Variants in NKAP observed in about 807,000 individuals in gnomAD.
NKAP encodes NF-kappa-B-activating protein.
In NKAP, 4 loss-of-function variants were observed where a neutral mutation model predicts 35.6. The observed-to-expected ratio is 0.11, with a 90% CI of 0.06 to 0.26. NKAP has a LOEUF of 0.26. Ranked by LOEUF, NKAP falls within the 10% of genes least tolerant of loss-of-function variation. NKAP has a pLI of 1.00. For missense variants in NKAP, 238 were observed against 321.9 expected (o/e 0.74, Z 1.99); for synonymous variants, 106 against 119.2 (o/e 0.89, Z 0.72).
At chrX:119,937,433 C>T (rs995914048) in intron 2 of NKAP, 59 of 108,832 alleles carry the variant, frequency 5.4e-4, no homozygotes, top group African/African-American at 1.9e-3. Flanking sequence ...CATGGTGAAA[C>T]CCCATCTCTA....
At chrX:119,932,316 C>A (rs765126824) in intron 5 of NKAP, 100 bp from the exon 6 acceptor site, 6 of 505,708 alleles carry the variant, frequency 1.2e-5, no homozygotes, top group Non-Finnish European at 1.9e-5. Flanking sequence ...GGTGACTATA[C>A]ATCTTAATTT....
chrX:119,939,201 G>A (rs1182607727), intron 1 of NKAP, among the ~76,000 whole-genome samples: 1 of 112,876 alleles, frequency 8.9e-6, no homozygotes, highest in African/African-American at 3.2e-5. Context: ...TTCAGAAATC[G>A]AGGAATTAAT....
intron 8 of NKAP, among the ~76,000 whole-genome samples, chrX:119,925,932 T>TC (rs1569471194): frequency 4.1e-5 from 2 of 48,796 alleles, no homozygotes; most frequent in Non-Finnish European, 8.3e-5. Context: ...CTTTTTTCTT[T>TC]TTTTTTTTTT....
chrX:119,936,864 C>A, intron 2 of NKAP, 182 bp from the exon 3 acceptor site: 1 of 397,225 alleles, frequency 2.5e-6, no homozygotes. Flanking sequence ...AACAACAAAG[C>A]AAGCACTGAA....
chrX:119,925,672 C>T (rs1202062750), intron 8 of NKAP, among the ~76,000 whole-genome samples: 1 of 109,803 alleles, frequency 9.1e-6, no homozygotes, highest in Non-Finnish European at 1.9e-5. Flanking sequence ...AGCAATTCCC[C>T]CATCTCAGCC....
intron 5 of NKAP, 49 bp downstream of exon 5, chrX:119,934,445 A>G (rs1243854838): frequency 1.4e-6 from 1 of 730,366 alleles, no homozygotes; most frequent in Non-Finnish European, 1.9e-6. Flanking sequence ...AAAAAAAAAA[A>G]AAAAAAAAAA....
intron 1 of NKAP, among the ~76,000 whole-genome samples, chrX:119,940,354 CAA>C (rs386419406): frequency 0.01 from 713 of 68,977 alleles, 3 homozygotes; most frequent in Non-Finnish European, 0.016. Context: ...AATAAAAAAC[CAA>C]AAAAAAAAAA....
At chrX:119,931,804 A>G (rs1156347554) in intron 7 of NKAP, 132 bp downstream of exon 7, 8 of 527,825 alleles carry the variant, frequency 1.5e-5, no homozygotes, top group Non-Finnish European at 2.6e-5. Flanking sequence ...AGCCCAGGGA[A>G]TATTTAGTAG....
chrX:119,942,346 C>T (rs753916055), intron 1 of NKAP, among the ~76,000 whole-genome samples: 26 of 110,750 alleles, frequency 2.3e-4, no homozygotes, highest in Non-Finnish European at 1.9e-5. Flanking sequence ...TGGTGGTGCG[C>T]ACCTATAGTC....
Position 119,926,211 on chromosome X carries a change from C to T in NKAP, c.1074-817G>A, listed in dbSNP as rs2056712671. ...GACCTCATGATCCACCCACCTCGGC[C>T]TCCCAAAGTGCTGGGATTACAGGCG... On this transcript the variant is annotated intron_variant, in intron 8 of 8. Transcript: ENST00000371410. Among the ~76,000 whole-genome samples, 12 of 106,240 alleles carry T rather than the reference C, an allele frequency of 1.1e-4. 1 individual carries two copies. In the South Asian group the frequency reaches 3.9e-3, roughly 34 times the overall value. 92.3% of individuals were successfully genotyped at this position (106,240 alleles called of 115,157 possible).
chrX:119,937,414 C>A (rs1364773089), intron 2 of NKAP: 1 of 109,321 alleles, frequency 9.1e-6, no homozygotes, highest in Non-Finnish European at 1.9e-5. Context: ...TCAAGACCAG[C>A]CTGACCAACA....
intron 8 of NKAP, among the ~76,000 whole-genome samples, chrX:119,926,117 C>T (rs1180997344): frequency 1.5e-4 from 15 of 101,263 alleles, no homozygotes; most frequent in South Asian, 1.5e-3. Flanking sequence ...CCACCGCGCC[C>T]GGCTAATTTT....
chrX:119,942,986 G>A, intron 1 of NKAP: 1 of 383,783 alleles, frequency 2.6e-6, no homozygotes, highest in Non-Finnish European at 4.4e-6. Context: ...TAACAAGACA[G>A]GAGGCGGAAG....
chrX:119,940,753 A>G (rs749211019), intron 1 of NKAP, among the ~76,000 whole-genome samples: 3 of 112,440 alleles, frequency 2.7e-5, no homozygotes, highest in Non-Finnish European at 5.6e-5. Context: ...CAGACAATTT[A>G]AAAGGTAACA....
At chrX:119,925,929 C>CTTTTTCTTTTTTTTTTTTT (rs2056709384) in intron 8 of NKAP, among the ~76,000 whole-genome samples, 1 of 46,436 alleles carries the variant, frequency 2.2e-5, no homozygotes, top group Non-Finnish European at 3.9e-5. Context: ...ATCCTTTTTT[C>CTTTTTCTTTTTTTTTTTTT]TTTTTTTTTT....
At position 119,923,294 on chromosome X, in the gene NKAP, A is replaced by G. The variant is rs1469384047; in HGVS notation, c.*1926T>C. ...CTCCCCCATTCACTCTTCTGACCTA[A>G]TTAAAATTGAACGAAATAAACAAAG... On this transcript the variant is annotated 3_prime_UTR_variant, in exon 9 of 9. Coordinates refer to ENST00000371410, the MANE Select transcript of NKAP (RefSeq NM_024528.4). 8.9e-6 allele frequency: 1 copy of G among 112,231 alleles called. No homozygotes were observed. Among genetic ancestry groups the G allele is most frequent in the African/African-American group, 3.2e-5 (1 of 30,937 alleles). 9.2% of individuals were successfully genotyped at this position (112,231 alleles called of 1,213,427 possible).
intron 1 of NKAP, chrX:119,942,902 T>C (rs1226992501): frequency 1.9e-5 from 4 of 215,660 alleles, no homozygotes; most frequent in African/African-American, 5.8e-5. Context: ...AATACAAATA[T>C]ATTCACGAAT....
intron 1 of NKAP, 49 bp from the exon 2 acceptor site, chrX:119,938,859 C>T (rs1340053557): frequency 1.1e-6 from 1 of 915,562 alleles, no homozygotes; most frequent in East Asian, 3.1e-5. Context: ...GAGTTGTTTC[C>T]TAAATATATA....
chrX:119,931,329 G>A (rs1230069925), intron 7 of NKAP, among the ~76,000 whole-genome samples: 2 of 108,991 alleles, frequency 1.8e-5, no homozygotes, highest in East Asian at 2.8e-4. Context: ...TGGTAAAACC[G>A]TATCTCTACT....
Sources: gnomAD v4.1 joint callset for allele counts (sites outside exome capture counted in the v4.1 genomes callset) on GRCh38, gnomAD v4.1.1 for gene constraint, MANE v1.5 for transcripts, NCBI Gene and HGNC (gene_info 2026-07-23, HGNC 2026-07-21) for gene names.